Variants in GIMAP7 observed in about 807,000 individuals in gnomAD.
GIMAP7 encodes GTPase, IMAP family member 7.
For synonymous variants in GIMAP7, 137 were observed against 129.3 expected (o/e 1.06, Z -0.40); for missense variants, 323 against 359.7 (o/e 0.90, Z 0.83).
At chr7:150,515,747 A>AGAAAGTTTAAAACTTGG in intron 1 of GIMAP7, among the ~76,000 whole-genome samples, 1 of 152,228 alleles carries the variant, frequency 6.6e-6, no homozygotes, top group South Asian at 2.1e-4. Flanking sequence ...TTAAAACTTG[A>AGAAAGTTTAAAACTTGG]GAAAGTTTTA....
chr7:150,514,876 T>TAAAAGC lies in GIMAP7; in HGVS notation c.-102_-97dup, dbSNP rs1795119637. The TAAAAGC allele has an allele frequency of 6.6e-6, 1 of 152,186 alleles. No individual in the cohort carries two copies. Among genetic ancestry groups the TAAAAGC allele is most frequent in the Non-Finnish European group, 1.5e-5 (1 of 68,058 alleles). The allele number at this position is 152,186 out of a possible 1,614,324, so 9.4% of individuals were successfully genotyped here. A position where few individuals can be genotyped will look rare whatever the true frequency, so the allele number is the denominator to read the frequency against. ...CGGTACAGACACTTTTAACTCACAGTAAAAGCAAAAGCAACAGCTCAAGCA... is the reference window on the plus strand; with the variant it reads ...CGGTACAGACACTTTTAACTCACAGTAAAAGCAAAAGCAAAAGCAACAGCTCAAGCA... On this transcript the variant is annotated 5_prime_UTR_variant, in exon 1 of 2. Transcript: ENST00000313543.
At chr7:150,518,587 G>A (rs1031902809) in intron 1 of GIMAP7, among the ~76,000 whole-genome samples, 3 of 151,924 alleles carry the variant, frequency 2.0e-5, no homozygotes. Context: ...TCTTCATACA[G>A]TAGGAAAAGT....
At chr7:150,515,678 C>T (rs1795128355) in intron 1 of GIMAP7, among the ~76,000 whole-genome samples, 3 of 152,140 alleles carry the variant, frequency 2.0e-5, no homozygotes, top group Admixed American at 1.3e-4. Context: ...TTTGTCATTT[C>T]TCAGCCTTTC....
rs80028286 is a variant in GIMAP7 at position 150,520,495 on chromosome 7, G to A, written c.521G>A (p.Ser174Asn). 6.2e-7 allele frequency: 1 copy of A among 1,614,208 alleles called. No individual in the cohort carries two copies. Among genetic ancestry groups the A allele is most frequent in the Non-Finnish European group, 8.5e-7 (1 of 1,180,040 alleles). Residue 174 changes from serine (S) to asparagine (N), a missense_variant, in exon 2 of 2, where the codon AGT (serine) becomes AAT (asparagine). Ser to Asn is a conservative substitution (Grantham distance 46). Coordinates refer to ENST00000313543, the MANE Select transcript of GIMAP7 (RefSeq NM_153236.4). ...GCCTTTAGCAACAGCAAGAAAACCA[G>A]TAAGGCAGAGAAGGAAAGTCAAGTG... ...CCAFSNSKKT[S>N]KAEKESQVQE...
intron 1 of GIMAP7, among the ~76,000 whole-genome samples, chr7:150,518,589 A>G (rs76582590): frequency 0.016 from 2,464 of 152,162 alleles, 31 homozygotes; most frequent in Non-Finnish European, 0.025. Context: ...TTCATACAGT[A>G]GGAAAAGTAG....
intron 1 of GIMAP7, among the ~76,000 whole-genome samples, chr7:150,518,414 A>T (rs928674794): frequency 6.8e-4 from 103 of 151,900 alleles, no homozygotes; most frequent in Middle Eastern, 3.4e-3. Flanking sequence ...AGAATTTTTT[A>T]TTTTTTCTAT....
At position 150,519,193 on chromosome 7, in the gene GIMAP7, C is replaced by T. The variant is rs576486507; in HGVS notation, c.-41-741C>T. Among the ~76,000 whole-genome samples, 16 of 152,230 alleles carry T rather than the reference C, an allele frequency of 1.1e-4. No individual in the cohort carries two copies. In the South Asian group the frequency reaches 3.1e-3, roughly 30 times the overall value. ...TTCCTTGATTGTCTAGGCTAACTTG[C>T]ATTTTCCTTCATCTGAATGAACTTT... is the stretch of plus-strand genomic sequence containing the variant. On this transcript the variant is annotated intron_variant, in intron 1 of 1. Coordinates refer to ENST00000313543, the MANE Select transcript of GIMAP7 (RefSeq NM_153236.4).
intron 1 of GIMAP7, among the ~76,000 whole-genome samples, chr7:150,518,604 CT>C (rs965422645): frequency 3.3e-5 from 5 of 151,814 alleles, no homozygotes; most frequent in African/African-American, 1.2e-4. Context: ...AAGTAGCCCT[CT>C]TTGAGATAAA....
intron 1 of GIMAP7, among the ~76,000 whole-genome samples, chr7:150,517,601 C>A (rs1462691052): frequency 6.6e-6 from 1 of 150,792 alleles, no homozygotes; most frequent in Admixed American, 6.6e-5. Flanking sequence ...CACACACATA[C>A]ACACACACAC....
chr7:150,516,011 C>T (rs554654436), intron 1 of GIMAP7, among the ~76,000 whole-genome samples: 1 of 152,300 alleles, frequency 6.6e-6, no homozygotes, highest in African/African-American at 2.4e-5. Flanking sequence ...TAAGAGTGAG[C>T]ATGGTAGATT....
At chr7:150,516,423 A>G (rs963409508) in intron 1 of GIMAP7, among the ~76,000 whole-genome samples, 1 of 152,260 alleles carries the variant, frequency 6.6e-6, no homozygotes, top group Admixed American at 6.5e-5. Context: ...AGCAAATGTC[A>G]GACATTACAT....
chr7:150,518,222 A>C (rs1329101236), intron 1 of GIMAP7, among the ~76,000 whole-genome samples: 1 of 152,154 alleles, frequency 6.6e-6, no homozygotes, highest in African/African-American at 2.4e-5. Flanking sequence ...ATTGATAATC[A>C]AAGAGTAAAT....
At position 150,520,390 on chromosome 7, in the gene GIMAP7, G is replaced by A. The variant is rs1795177102; in HGVS notation, c.416G>A (p.Gly139Asp). Residue 139 changes from glycine (G) to aspartate (D), a missense_variant, in exon 2 of 2, where the codon GGC (glycine) becomes GAC (aspartate). By Grantham distance (94) the Gly-to-Asp change is moderately conservative (BLOSUM62 -1). Transcript: ENST00000313543. ...TTCACTCGCAAAGAAGAGTTGGAGG[G>A]CCAGAGCTTCCATGACTTCATAGCA... ...ILFTRKEELE[G>D]QSFHDFIADA... is the part of the protein sequence containing the mutation. 1.1e-5 allele frequency: 18 copies of A among 1,614,060 alleles called. No homozygotes were observed. Among genetic ancestry groups the A allele is most frequent in the Non-Finnish European group, 1.4e-5 (17 of 1,180,046 alleles).
chr7:150,520,778 TGA>T lies in GIMAP7; in HGVS notation c.809_810del (p.Arg270LysfsTer4). On this transcript the variant is annotated frameshift_variant, in exon 2 of 2. Coordinates refer to ENST00000313543, the MANE Select transcript of GIMAP7 (RefSeq NM_153236.4). LOFTEE classifies it low-confidence loss of function (END_TRUNC). ...EKIKNIREEA[E>X]RNIFKDVFNR... ...AAATAAAAAATATAAGGGAAGAAGC[TGA>T]GAGAAATATATTTAAAGATGTTTTT... is the stretch of plus-strand genomic sequence containing the variant. 1.3e-6 allele frequency: 2 copies of T among 1,501,244 alleles called. No individual in the cohort carries two copies. The highest frequency in any genetic ancestry group is 1.8e-6 in the Non-Finnish European group (2 of 1,101,978). 93.0% of individuals were successfully genotyped at this position (1,501,244 alleles called of 1,614,324 possible).
chr7:150,520,510 A>C lies in GIMAP7; in HGVS notation c.536A>C (p.Glu179Ala). ...AAGAAAACCAGTAAGGCAGAGAAGG[A>C]AAGTCAAGTGCAGGAGTTGGTGGAG... Reference protein sequence around the residue: ...NSKKTSKAEKESQVQELVELI... With the variant: ...NSKKTSKAEKASQVQELVELI... Residue 179 changes from glutamate (E) to alanine (A), a missense_variant, in exon 2 of 2, where the codon GAA becomes GCA. By Grantham distance (107) the Glu-to-Ala change is moderately radical (BLOSUM62 -1). Coordinates refer to ENST00000313543, the MANE Select transcript of GIMAP7 (RefSeq NM_153236.4). 6.2e-7 allele frequency: 1 copy of C among 1,614,234 alleles called. No individual in the cohort carries two copies. Among genetic ancestry groups the C allele is most frequent in the Non-Finnish European group, 8.5e-7 (1 of 1,180,042 alleles).
Position 150,520,993 on chromosome 7 carries a change from T to C in GIMAP7, c.*116T>C, listed in dbSNP as rs902631627. On this transcript the variant is annotated 3_prime_UTR_variant, in exon 2 of 2. Coordinates refer to ENST00000313543, the MANE Select transcript of GIMAP7 (RefSeq NM_153236.4). ...ATAAATAAAAATAAAATATGTTTAATGTATATAATGTGATTTTTAAATATA... is the reference window on the plus strand; with the variant it reads ...ATAAATAAAAATAAAATATGTTTAACGTATATAATGTGATTTTTAAATATA... The C allele has an allele frequency of 2.8e-6, 1 of 355,448 alleles. No homozygotes were observed. The highest frequency in any genetic ancestry group is 4.7e-6 in the Non-Finnish European group (1 of 210,662). The allele number at this position is 355,448 out of a possible 1,614,324, so 22.0% of individuals were successfully genotyped here.
rs3735079 is a variant in GIMAP7, at chr7:150,520,247, G to T, written c.273G>T (p.Gly91=). The T allele has an allele frequency of 0.12, 195,166 of 1,614,012 alleles. 12,488 individuals are homozygous for T. Among genetic ancestry groups the T allele is most frequent in the East Asian group, 0.18 (8,088 of 44,874 alleles). ...GCTGCATCATCTCCTCCTGCCCAGG[G>T]CCCCATGCTATTGTCCTAGTTCTGC... ...ISRCIISSCP[G]PHAIVLVLLL... is the part of the protein sequence containing the mutation. Residue 91 remains glycine, a synonymous_variant, in exon 2 of 2, where the codon GGG becomes GGT. Transcript: ENST00000313543.
intron 1 of GIMAP7, among the ~76,000 whole-genome samples, chr7:150,518,553 T>G (rs998522076): frequency 6.6e-6 from 1 of 152,154 alleles, no homozygotes; most frequent in Non-Finnish European, 1.5e-5. Context: ...GTCATTGGTC[T>G]TTTGTTTCTT....
In GIMAP7 at chr7:150,520,253, T is replaced by C. The variant is rs761747672; in HGVS notation, c.279T>C (p.His93=). 3 of 1,614,104 alleles carry C rather than the reference T, an allele frequency of 1.9e-6. No individual in the cohort carries two copies. Among genetic ancestry groups the C allele is most frequent in the African/African-American group, 1.3e-5 (1 of 75,026 alleles). ...TCATCTCCTCCTGCCCAGGGCCCCA[T>C]GCTATTGTCCTAGTTCTGCTGCTGG... is the stretch of plus-strand genomic sequence containing the variant. ...RCIISSCPGP[H]AIVLVLLLGR... is the part of the protein sequence containing the mutation. The change falls in exon 2 of 2, where the codon CAT becomes CAC. Residue 93 remains histidine, a synonymous_variant. Transcript: ENST00000313543.
Sources: gnomAD v4.1 joint callset for allele counts (sites outside exome capture counted in the v4.1 genomes callset) on GRCh38, gnomAD v4.1.1 for gene constraint, MANE v1.5 for transcripts, NCBI Gene and HGNC (gene_info 2026-07-23, HGNC 2026-07-21) for gene names.